STXBP2: variants seen among roughly 807,000 people sequenced by gnomAD.
STXBP2 encodes syntaxin binding protein 2.
Under a neutral mutation model 72.2 loss-of-function variants are expected in STXBP2, and 47 were observed. The observed-to-expected ratio is 0.65, with a 90% CI of 0.51 to 0.83. The LOEUF is 0.83. Among genes scored for constraint, STXBP2 ranks in the 40% least tolerant of loss-of-function variants. STXBP2 has a pLI of 0.00. For synonymous variants in STXBP2, 367 were observed against 338.7 expected, an observed-to-expected ratio of 1.08 and a Z score of -0.92; for missense variants, 702 against 807.6, an observed-to-expected ratio of 0.87 and a Z score of 1.58.
At chr19:7,646,570 C>T (rs766734564) in intron 16 of STXBP2, 12 of 615,456 alleles carry the variant, frequency 1.9e-5, no homozygotes, top group South Asian at 3.6e-5. Context: ...CCCCACCTGC[C>T]GGCTGCCTCC....
chr19:7,645,164 G>A (rs746032012), intron 14 of STXBP2, 33 bp from the exon 15 acceptor site: 25 of 1,548,140 alleles, frequency 1.6e-5, no homozygotes, highest in Middle Eastern at 1.7e-4. Context: ...TCACCTGGCC[G>A]CCGCCTCCAC....
chr19:7,644,724 C>T lies in STXBP2; in HGVS notation c.1218C>T (p.Val406=), dbSNP rs1229469797. Residue 406 remains valine, a synonymous_variant, in exon 14 of 19, where the codon GTC becomes GTT. Coordinates refer to ENST00000221283, the MANE Select transcript of STXBP2 (RefSeq NM_006949.4). ...TGCCCGCCTACGACAAGATCCGGGT[C>T]CTGCTGCTCTACATCCTCCTTCGGA... ...AAVPAYDKIR[V]LLLYILLRNG... is the part of the protein sequence containing the mutation. The T allele has an allele frequency of 1.2e-6, 2 of 1,613,700 alleles. No homozygotes were observed. Among genetic ancestry groups the T allele is most frequent in the Admixed American group, 3.3e-5 (2 of 59,976 alleles).
the STXBP2 span, chr19:7,631,828 A>T: frequency 7.2e-7 from 1 of 1,383,866 alleles, no homozygotes; most frequent in Non-Finnish European, 9.4e-7. Context: ...AAGAGGGGTC[A>T]GCCAGGGGGA....
upstream of STXBP2, chr19:7,632,426 GCTGA>G: frequency 1.2e-6 from 2 of 1,613,918 alleles, no homozygotes; most frequent in Non-Finnish European, 8.5e-7. This position sits in a 1 kb window ranked among gnomAD's most constrained non-coding sequence, Gnocchi z 5.2. Flanking sequence ...CGGGCAGGCT[GCTGA>G]CTGTCACACG....
intron 16 of STXBP2, chr19:7,646,749 G>C: frequency 2.6e-6 from 1 of 387,868 alleles, no homozygotes; most frequent in Non-Finnish European, 4.8e-6. Flanking sequence ...CTGCGTGGGG[G>C]CCAGAGACCT....
chr19:7,639,916 ATG>A (rs2031728240), intron 4 of STXBP2, 109 bp downstream of exon 4: 3 of 1,199,100 alleles, frequency 2.5e-6, no homozygotes, highest in Non-Finnish European at 1.2e-6. Flanking sequence ...ATACGTGTGC[ATG>A]TGTCCATGTG....
At chr19:7,631,663 A>T in the STXBP2 span, 1 of 1,466,154 alleles carries the variant, frequency 6.8e-7, no homozygotes, top group Non-Finnish European at 9.0e-7. Flanking sequence ...TTGGGGGCCG[A>T]GTGAGACCCA....
At position 7,640,566 on chromosome 19, in the gene STXBP2, G is replaced by A. The variant is rs186799855; in HGVS notation, c.247-165G>A. 0.015 allele frequency: 11,452 copies of A among 789,664 alleles called. 621 individuals are homozygous for A. Among genetic ancestry groups the A allele is most frequent in the Admixed American group, 0.14 (7,052 of 50,154 alleles). The allele number at this position is 789,664 out of a possible 1,614,324, so 48.9% of individuals were successfully genotyped here. A position where few individuals can be genotyped will look rare whatever the true frequency, so the allele number is the denominator to read the frequency against. ...TGCGTGCGTGCATCTGTGTGTGTGCGCGTGTGCCCATGTGGGTGCGACACT... is the reference window on the plus strand; with the variant it reads ...TGCGTGCGTGCATCTGTGTGTGTGCACGTGTGCCCATGTGGGTGCGACACT... On this transcript the variant is annotated intron_variant, in intron 4 of 18. Transcript: ENST00000221283.
chr19:7,642,947 C>A lies in STXBP2; in HGVS notation c.961-36C>A, dbSNP rs369622894. ...CCAGGTGGGCACTGCCTGGCTTCGC[C>A]CCCCAATCCCTACCCTCTTCCCCCT... On this transcript the variant is annotated intron_variant, in intron 11 of 18. Coordinates refer to ENST00000221283, the MANE Select transcript of STXBP2 (RefSeq NM_006949.4). This position sits in a 1 kb window ranked among gnomAD's most constrained non-coding sequence, Gnocchi z 6.0. The A allele has an allele frequency of 1.6e-5, 26 of 1,613,842 alleles. No individual in the cohort carries two copies. The Middle Eastern group carries it at 4.9e-4, about 31-fold the overall frequency.
intron 16 of STXBP2, 56 bp downstream of exon 16, chr19:7,646,400 G>C: frequency 2.0e-6 from 3 of 1,482,772 alleles, no homozygotes; most frequent in Non-Finnish European, 2.8e-6. Context: ...TGGCGGCTCA[G>C]CCTCCCTCCT....
intron 16 of STXBP2, 154 bp from the exon 17 acceptor site, chr19:7,647,008 A>G: frequency 1.4e-6 from 1 of 693,636 alleles, no homozygotes; most frequent in Non-Finnish European, 2.4e-6. Flanking sequence ...CCAATGGACT[A>G]GAGGCCTAGA....
intron 6 of STXBP2, chr19:7,641,285 G>A (rs995928387): frequency 1.9e-6 from 1 of 517,294 alleles, no homozygotes; most frequent in Non-Finnish European, 3.5e-6. Flanking sequence ...TGGGAGAGTC[G>A]CTTGAGCCCG....
upstream of STXBP2, chr19:7,633,908 AAGG>A (rs1412749545): frequency 6.2e-6 from 1 of 161,998 alleles, no homozygotes; most frequent in African/African-American, 2.4e-5. Context: ...GGTACAGAAA[AAGG>A]AGGTTGGAGT....
chr19:7,630,048 T>G, the STXBP2 span: 2 of 551,880 alleles, frequency 3.6e-6, no homozygotes, highest in East Asian at 4.6e-5. Context: ...TTCTCGGATT[T>G]GGGCTTCTGG....
In STXBP2 at chr19:7,637,189, G is replaced by C. The variant is rs2031576442; in HGVS notation, c.37+3G>C. On this transcript the variant is annotated splice_donor_region_variant and intron_variant, in intron 1 of 18. Coordinates refer to ENST00000221283, the MANE Select transcript of STXBP2 (RefSeq NM_006949.4). Reference sequence around the variant, plus strand: ...GCTGAAGGCGGTGGTGGGGGAAAGTGAGTGCCTCTCCGGGGCCGGGCTCTG... The same window carrying C: ...GCTGAAGGCGGTGGTGGGGGAAAGTCAGTGCCTCTCCGGGGCCGGGCTCTG... The C allele has an allele frequency of 8.0e-7, 1 of 1,243,512 alleles. No individual in the cohort carries two copies. Among genetic ancestry groups the C allele is most frequent in the Non-Finnish European group, 1.0e-6 (1 of 988,506 alleles). The allele number at this position is 1,243,512 out of a possible 1,614,324, so 77.0% of individuals were successfully genotyped here.
chr19:7,632,870 T>C (rs1045183060), upstream of STXBP2: 5 of 1,535,806 alleles, frequency 3.3e-6, no homozygotes, highest in Non-Finnish European at 4.4e-6. The surrounding 1 kb of genome is among the most constrained non-coding windows in gnomAD (Gnocchi z 5.2). Flanking sequence ...CCCTTCAGCT[T>C]GGGGGCCCCT....
At position 7,639,132 on chromosome 19, in the gene STXBP2, C is replaced by T. The variant is rs376411735; in HGVS notation, c.169+32C>T. On this transcript the variant is annotated intron_variant, in intron 3 of 18. Transcript: ENST00000221283. ...GAACGCGTCCCCAGTGAGATGGGAC[C>T]TGAGCGTGGGAACCCCTGACTGTGC... 2.9e-5 allele frequency: 46 copies of T among 1,609,162 alleles called. No homozygotes were observed. In the Admixed American group the frequency reaches 3.2e-4, roughly 11 times the overall value.
At chr19:7,636,917 G>C (rs1346707985), upstream of STXBP2, 1 of 396,064 alleles carries the variant, frequency 2.5e-6, no homozygotes, top group Non-Finnish European at 4.4e-6. Flanking sequence ...TGAGCGTGTC[G>C]TCGAGGTGTG....
chr19:7,633,624 G>A (rs1254218637), upstream of STXBP2: 11 of 676,160 alleles, frequency 1.6e-5, no homozygotes, highest in Admixed American at 1.1e-4. Flanking sequence ...AGATCATCCA[G>A]ATAATTGTTT....
Sources: allele counts gnomAD v4.1 joint callset, GRCh38; gene constraint gnomAD v4.1.1; non-coding constraint Gnocchi (gnomAD v3.1); transcripts MANE v1.5; gene names NCBI Gene and HGNC (gene_info 2026-07-23, HGNC 2026-07-21).